The following FAM167A variants were observed in gnomAD, a reference collection of about 807,000 sequenced individuals.
FAM167A encodes family with sequence similarity 167 member A.
FAM167A carries 23 observed loss-of-function variants against 14.9 expected under a neutral mutation model. The ratio of observed to expected loss-of-function variants is 1.55; its 90% CI spans 1.11 to 2.19. The LOEUF (loss-of-function observed/expected upper bound fraction) is 2.19. Among genes scored for constraint, FAM167A ranks in the 30% most tolerant of loss-of-function variants. The pLI, the probability that FAM167A is intolerant of heterozygous loss-of-function variation, is 0.00. For synonymous variants in FAM167A, 174 were observed against 117.7 expected (o/e 1.48, Z -3.10); for missense variants, 401 against 281.5 (o/e 1.42, Z -3.04).
At chr8:11,470,253 A>C (rs181561406), upstream of FAM167A, among the ~76,000 whole-genome samples, 1 of 152,140 alleles carries the variant, frequency 6.6e-6, no homozygotes, top group Non-Finnish European at 1.5e-5. Context: ...GGCCTCGCTA[A>C]TAAGGTGGTT....
rs60320871 is a variant in FAM167A at position 11,440,040 on chromosome 8, C to A, written c.381+3991G>T. 3.2e-4 allele frequency among the ~76,000 whole-genome samples: 49 copies of A among 152,230 alleles called. 1 individual carries two copies. The highest frequency in any genetic ancestry group is 1.2e-3 in the African/African-American group (48 of 41,554). On this transcript the variant is annotated intron_variant, in intron 2 of 2. Coordinates refer to ENST00000284486, the MANE Select transcript of FAM167A (RefSeq NM_053279.3). ...ACTTCCTCAAGCAATGCCCTCCCCCCACTCCCACCCAGGCTACTCGGCTGC... is the reference window on the plus strand; with the variant it reads ...ACTTCCTCAAGCAATGCCCTCCCCCAACTCCCACCCAGGCTACTCGGCTGC...
chr8:11,424,819 C>T (rs1043475779), intron 2 of FAM167A, among the ~76,000 whole-genome samples, 183 bp from the exon 3 acceptor site: 3 of 152,182 alleles, frequency 2.0e-5, no homozygotes, highest in Admixed American at 6.5e-5. Flanking sequence ...AATGAGGGTG[C>T]GGTCGCAAAA....
At chr8:11,472,524 C>A (rs1807993108), upstream of FAM167A, among the ~76,000 whole-genome samples, 1 of 149,848 alleles carries the variant, frequency 6.7e-6, no homozygotes, top group African/African-American at 2.5e-5. Context: ...ACTGCAACCT[C>A]CGTCTCCTGG....
At chr8:11,427,829 C>CA (rs1805286818) in intron 2 of FAM167A, among the ~76,000 whole-genome samples, 1 of 152,164 alleles carries the variant, frequency 6.6e-6, no homozygotes, top group African/African-American at 2.4e-5. Flanking sequence ...CCTTGGGCCT[C>CA]AAGCATTGAA....
At chr8:11,454,865 G>C (rs947449149) in intron 1 of FAM167A, among the ~76,000 whole-genome samples, 4 of 152,158 alleles carry the variant, frequency 2.6e-5, no homozygotes, top group Non-Finnish European at 5.9e-5. Flanking sequence ...CGAGAGGACA[G>C]GGACACAGCC....
At chr8:11,459,513 G>C (rs554379318) in intron 1 of FAM167A, among the ~76,000 whole-genome samples, 6 of 152,192 alleles carry the variant, frequency 3.9e-5, no homozygotes, top group African/African-American at 1.4e-4. Context: ...CGAGCGCCTC[G>C]GTCTGCAGTG....
chr8:11,426,292 G>T (rs1027610842), intron 2 of FAM167A, among the ~76,000 whole-genome samples: 2 of 152,148 alleles, frequency 1.3e-5, no homozygotes, highest in African/African-American at 4.8e-5. Flanking sequence ...GTCTTTGCTT[G>T]TAACTCCTGT....
intron 2 of FAM167A, among the ~76,000 whole-genome samples, chr8:11,432,794 C>G (rs1446368637): frequency 6.6e-6 from 1 of 152,160 alleles, no homozygotes; most frequent in East Asian, 1.9e-4. Flanking sequence ...TTCACAATAG[C>G]AAAGACTTAG....
upstream of FAM167A, among the ~76,000 whole-genome samples, chr8:11,466,947 G>C (rs1807799946): frequency 6.6e-6 from 1 of 152,222 alleles, no homozygotes; most frequent in South Asian, 2.1e-4. Context: ...CGCGAGTGGA[G>C]AGGAACTACA....
At chr8:11,438,098 C>T (rs1343074386) in intron 2 of FAM167A, 2 of 456,486 alleles carry the variant, frequency 4.4e-6, no homozygotes, top group Non-Finnish European at 8.8e-6. Flanking sequence ...CCCACCCCAG[C>T]ACGGAAGCCA....
At chr8:11,432,560 A>G (rs1307372808) in intron 2 of FAM167A, among the ~76,000 whole-genome samples, 2 of 152,224 alleles carry the variant, frequency 1.3e-5, no homozygotes, top group African/African-American at 2.4e-5. Context: ...TTAAAAAGTC[A>G]GGAAATAACA....
At chr8:11,442,545 A>C (rs1686882212) in intron 2 of FAM167A, among the ~76,000 whole-genome samples, 1 of 152,200 alleles carries the variant, frequency 6.6e-6, no homozygotes, top group African/African-American at 2.4e-5. Flanking sequence ...ACTCGAAACC[A>C]ACAAATAGTA....
Position 11,464,025 on chromosome 8 carries a change from C to T in FAM167A, c.-398+2601G>A, listed in dbSNP as rs138430543. ...TGCTAGAGAAGAGAGGCCCCCTTGA[C>T]GGCTGTGCCCACAGGGAGACTGGGC... On this transcript the variant is annotated intron_variant, in intron 1 of 2. Coordinates refer to ENST00000284486, the MANE Select transcript of FAM167A (RefSeq NM_053279.3). Among the ~76,000 whole-genome samples, 215 of 152,272 alleles carry T rather than the reference C, an allele frequency of 1.4e-3. 2 individuals are homozygous for T. The East Asian group carries it at 0.025, about 18-fold the overall frequency.
chr8:11,441,370 TAG>T (rs2117072293), intron 2 of FAM167A, among the ~76,000 whole-genome samples: 1 of 152,334 alleles, frequency 6.6e-6, no homozygotes, highest in African/African-American at 2.4e-5. Flanking sequence ...AGTGTCACCT[TAG>T]AGCTTGTTGG....
Position 11,423,269 on chromosome 8 carries a change from T to C in FAM167A, c.*1104A>G, listed in dbSNP as rs1201673989. On this transcript the variant is annotated 3_prime_UTR_variant, in exon 3 of 3. Coordinates refer to ENST00000284486, the MANE Select transcript of FAM167A (RefSeq NM_053279.3). ...TGCTGGGGTCTTAACTTGCTGATCC[T>C]CAAGCCTGTTGGGAGGGAGAAACTC... 6.6e-6 allele frequency: 1 copy of C among 152,384 alleles called. No homozygotes were observed. The highest frequency in any genetic ancestry group is 1.5e-5 in the Non-Finnish European group (1 of 68,044). The allele number at this position is 152,384 out of a possible 1,614,324, so 9.4% of individuals were successfully genotyped here.
chr8:11,435,926 A>G (rs1178534192), intron 2 of FAM167A, among the ~76,000 whole-genome samples: 1 of 152,250 alleles, frequency 6.6e-6, no homozygotes, highest in Non-Finnish European at 1.5e-5. Context: ...CTTCATACAC[A>G]GAACCACAGA....
At chr8:11,464,437 C>T (rs1173670935) in intron 1 of FAM167A, among the ~76,000 whole-genome samples, 1 of 152,146 alleles carries the variant, frequency 6.6e-6, no homozygotes, top group Non-Finnish European at 1.5e-5. Flanking sequence ...CCTGTCCCAT[C>T]CTTCCTGCTC....
At chr8:11,427,516 T>C (rs17153220) in intron 2 of FAM167A, among the ~76,000 whole-genome samples, 5,154 of 152,296 alleles carry the variant, frequency 0.034, 143 homozygotes, top group South Asian at 0.14. Context: ...CCAAACTGAT[T>C]AGAAAAATGA....
At chr8:11,459,731 T>G (rs1437099697) in intron 1 of FAM167A, among the ~76,000 whole-genome samples, 1 of 152,238 alleles carries the variant, frequency 6.6e-6, no homozygotes, top group Non-Finnish European at 1.5e-5. Flanking sequence ...TTTCTTTTTT[T>G]GAGACAGAGT....
Sources: gnomAD v4.1 joint callset for allele counts (sites outside exome capture counted in the v4.1 genomes callset) on GRCh38, gnomAD v4.1.1 for gene constraint, MANE v1.5 for transcripts, NCBI Gene and HGNC (gene_info 2026-07-23, HGNC 2026-07-21) for gene names.